TEX11: variants seen among roughly 807,000 people sequenced by gnomAD.
TEX11 encodes the protein testis-expressed protein 11.
Under a neutral mutation model 84.4 loss-of-function variants are expected in TEX11, and 7 were observed. The observed-to-expected ratio is 0.08, with a 90% CI of 0.05 to 0.16. TEX11 has a LOEUF of 0.16. Among genes scored for constraint, TEX11 ranks in the 10% least tolerant of loss-of-function variants. The pLI is 1.00. For missense variants in TEX11, 551 were observed against 660.5 expected, an observed-to-expected ratio of 0.83 and a Z score of 1.82; for synonymous variants, 264 against 222.8, an observed-to-expected ratio of 1.18 and a Z score of -1.64.
intron 24 of TEX11, among the ~76,000 whole-genome samples, chrX:70,597,976 G>A (rs1029092099): frequency 8.9e-6 from 1 of 111,920 alleles, no homozygotes; most frequent in Non-Finnish European, 1.9e-5. Flanking sequence ...GAGATAAGGA[G>A]TTTGAGACCA....
At chrX:70,640,315 G>A (rs1208043543) in intron 17 of TEX11, among the ~76,000 whole-genome samples, 18 of 104,743 alleles carry the variant, frequency 1.7e-4, no homozygotes, top group Non-Finnish European at 2.8e-4. Context: ...AAAGTGATGG[G>A]GAGAATGGAA....
intron 2 of TEX11, among the ~76,000 whole-genome samples, chrX:70,905,966 T>C (rs2091826994): frequency 1.1e-5 from 1 of 93,874 alleles, no homozygotes; most frequent in African/African-American, 4.0e-5. Context: ...GGCAGGAGAA[T>C]CGCTTGAACC....
chrX:70,673,765 C>T (rs929427057), intron 15 of TEX11, among the ~76,000 whole-genome samples: 1 of 111,189 alleles, frequency 9.0e-6, no homozygotes, highest in Non-Finnish European at 1.9e-5. Context: ...CCATTCTGTT[C>T]CATTGATCTA....
intron 7 of TEX11, among the ~76,000 whole-genome samples, chrX:70,843,877 G>C (rs1295285230): frequency 1.8e-5 from 2 of 111,762 alleles, no homozygotes; most frequent in East Asian, 5.6e-4. Context: ...ATCATCACTG[G>C]CCATCAGAGA....
chrX:70,739,347 T>C (rs1290747686), intron 11 of TEX11, among the ~76,000 whole-genome samples: 2 of 110,671 alleles, frequency 1.8e-5, no homozygotes, highest in African/African-American at 3.3e-5. Context: ...TGTATCAGTA[T>C]ATTTAATTGC....
At chrX:70,880,154 T>A in intron 2 of TEX11, 45 bp from the exon 3 acceptor site, 1 of 1,034,215 alleles carries the variant, frequency 9.7e-7, no homozygotes, top group Non-Finnish European at 1.3e-6. Context: ...CTATTACCAT[T>A]GGCTAAATGT....
chrX:70,657,847 T>C (rs1300536864), intron 16 of TEX11, among the ~76,000 whole-genome samples: 2 of 93,610 alleles, frequency 2.1e-5, no homozygotes, highest in Admixed American at 1.3e-4. Context: ...ACACCGCATG[T>C]TCTCACTCAT....
intron 14 of TEX11, among the ~76,000 whole-genome samples, chrX:70,681,782 A>G (rs2090149766): frequency 1.8e-5 from 2 of 111,610 alleles, no homozygotes; most frequent in Non-Finnish European, 3.8e-5. Context: ...AACCAAGTTT[A>G]TCAAAACTGG....
At chrX:70,820,883 C>T (rs57884433) in intron 8 of TEX11, among the ~76,000 whole-genome samples, 1 of 111,574 alleles carries the variant, frequency 9.0e-6, no homozygotes, top group East Asian at 2.8e-4. Flanking sequence ...AGACTTAATA[C>T]CTGAAACCGT....
At chrX:70,674,803 A>AT (rs901782063) in intron 15 of TEX11, among the ~76,000 whole-genome samples, 36 of 108,055 alleles carry the variant, frequency 3.3e-4, no homozygotes, top group African/African-American at 8.4e-4. Context: ...ACTTAATGTG[A>AT]TTTTTTTTTC....
intron 17 of TEX11, among the ~76,000 whole-genome samples, chrX:70,631,358 C>T (rs2089508138): frequency 8.9e-6 from 1 of 112,079 alleles, no homozygotes; most frequent in South Asian, 3.7e-4. Context: ...GGAAAATCTG[C>T]AAATATTTGG....
intron 2 of TEX11, among the ~76,000 whole-genome samples, chrX:70,896,986 G>A (rs929978066): frequency 9.5e-6 from 1 of 105,800 alleles, no homozygotes; most frequent in African/African-American, 3.4e-5. Context: ...AAAAAAAATA[G>A]CCAGATGTGG....
chrX:70,839,016 C>A (rs977634160), intron 7 of TEX11, among the ~76,000 whole-genome samples: 1 of 112,682 alleles, frequency 8.9e-6, no homozygotes, highest in African/African-American at 3.2e-5. Context: ...GTGGAGCCCA[C>A]CACAGCTCAA....
At chrX:70,618,096 C>T (rs996875474) in intron 20 of TEX11, among the ~76,000 whole-genome samples, 1 of 112,039 alleles carries the variant, frequency 8.9e-6, no homozygotes, top group Non-Finnish European at 1.9e-5. Context: ...GTTTTCCTAG[C>T]AGTGAAGGAA....
At chrX:70,777,704 T>C (rs1333947121) in intron 9 of TEX11, among the ~76,000 whole-genome samples, 1 of 110,829 alleles carries the variant, frequency 9.0e-6, no homozygotes, top group Non-Finnish European at 1.9e-5. Flanking sequence ...GTATAAGATG[T>C]CTTACATAAC....
At chrX:70,704,939 T>G (rs1470962263) in intron 13 of TEX11, among the ~76,000 whole-genome samples, 1 of 112,008 alleles carries the variant, frequency 8.9e-6, no homozygotes, top group Non-Finnish European at 1.9e-5. Context: ...GTCTAACATT[T>G]AAGTCTTTAA....
At chrX:70,602,877 C>G in intron 24 of TEX11, among the ~76,000 whole-genome samples, 1 of 72,568 alleles carries the variant, frequency 1.4e-5, no homozygotes, top group Non-Finnish European at 2.6e-5. Context: ...AATCAATGTA[C>G]AAAAATCAGA....
At chrX:70,660,625 T>C (rs2147621915) in intron 16 of TEX11, among the ~76,000 whole-genome samples, 2 of 112,507 alleles carry the variant, frequency 1.8e-5, no homozygotes, top group African/African-American at 6.4e-5. Context: ...GGCAATAACA[T>C]GCATGGAGCT....
intron 13 of TEX11, among the ~76,000 whole-genome samples, chrX:70,688,620 A>G (rs2090208530): frequency 9.1e-6 from 1 of 110,001 alleles, no homozygotes; most frequent in South Asian, 3.9e-4. Context: ...AGATGAAGAG[A>G]TGAGGCACAG....
Sources: allele counts gnomAD v4.1 joint callset (sites outside exome capture counted in the v4.1 genomes callset), GRCh38; gene constraint gnomAD v4.1.1; transcripts MANE v1.5; gene names NCBI Gene and HGNC (gene_info 2026-07-23, HGNC 2026-07-21).